RFC3: variants seen among roughly 807,000 people sequenced by gnomAD.
RFC3 encodes the protein replication factor C subunit 3, also known as A1 38 kDa subunit.
In RFC3, 41 loss-of-function variants were observed where a neutral mutation model predicts 45.1. That is an observed-to-expected ratio of 0.91 (90% CI 0.71 to 1.18). The LOEUF is 1.18. Ranked by LOEUF, RFC3 falls within the 50% of genes most tolerant of loss-of-function variation. The pLI is 0.00. For missense variants in RFC3, 423 were observed against 428.1 expected (o/e 0.99, Z 0.10); for synonymous variants, 149 against 144.0 (o/e 1.03, Z -0.25).
At chr13:33,891,979 A>T (rs570075695) in intron 8 of RFC3, among the ~76,000 whole-genome samples, 1 of 151,932 alleles carries the variant, frequency 6.6e-6, no homozygotes, top group South Asian at 2.1e-4. Flanking sequence ...TCAACCAGGA[A>T]AAAAAACAGA....
chr13:33,930,369 A>G (rs2082843925), intron 8 of RFC3, among the ~76,000 whole-genome samples: 2 of 152,148 alleles, frequency 1.3e-5, no homozygotes, highest in African/African-American at 2.4e-5. Flanking sequence ...GTGTGACTCC[A>G]AGAGTCCAAA....
the RFC3 span, among the ~76,000 whole-genome samples, chr13:33,975,739 A>G: frequency 6.6e-6 from 1 of 152,204 alleles, no homozygotes; most frequent in African/African-American, 2.4e-5. Context: ...TGTGGCTGAT[A>G]AAGTTGCTGC....
chr13:33,895,972 A>G (rs2082595272), intron 8 of RFC3, among the ~76,000 whole-genome samples: 1 of 152,156 alleles, frequency 6.6e-6, no homozygotes, highest in Non-Finnish European at 1.5e-5. Context: ...ATGCAAAGGC[A>G]TACACAGTGG....
At chr13:33,961,544 T>C (rs1407830721) in intron 8 of RFC3, among the ~76,000 whole-genome samples, 1 of 152,202 alleles carries the variant, frequency 6.6e-6, no homozygotes, top group South Asian at 2.1e-4. Context: ...ATGAATCAAA[T>C]GATGTCATTT....
At chr13:33,852,086 T>C (rs920271712) in intron 8 of RFC3, among the ~76,000 whole-genome samples, 1 of 152,170 alleles carries the variant, frequency 6.6e-6, no homozygotes, top group Non-Finnish European at 1.5e-5. Context: ...TGCACAAATA[T>C]CTTGAGAAAA....
At chr13:33,890,703 T>C (rs995718404) in intron 8 of RFC3, among the ~76,000 whole-genome samples, 10 of 152,176 alleles carry the variant, frequency 6.6e-5, no homozygotes, top group African/African-American at 2.2e-4. Flanking sequence ...ACTCTTAAGA[T>C]AGGTAATCTT....
chr13:33,919,453 A>G (rs1010166544), intron 8 of RFC3, among the ~76,000 whole-genome samples: 5 of 152,084 alleles, frequency 3.3e-5, no homozygotes, highest in African/African-American at 9.7e-5. Flanking sequence ...CTCACAAGAC[A>G]TTTACTCTAA....
intron 4 of RFC3, among the ~76,000 whole-genome samples, chr13:33,828,758 T>C (rs1387577065): frequency 6.6e-6 from 1 of 152,212 alleles, no homozygotes; most frequent in Non-Finnish European, 1.5e-5. Flanking sequence ...ATTCTTGGGC[T>C]CAAGGGATCT....
chr13:33,891,418 C>G (rs1301948952), intron 8 of RFC3, among the ~76,000 whole-genome samples: 1 of 152,150 alleles, frequency 6.6e-6, no homozygotes, highest in Non-Finnish European at 1.5e-5. Context: ...ACAAGCAGAG[C>G]AGACAAGTAA....
chr13:33,925,084 CAT>C (rs2082795959), intron 8 of RFC3, among the ~76,000 whole-genome samples: 1 of 147,466 alleles, frequency 6.8e-6, no homozygotes, highest in Admixed American at 6.8e-5. Flanking sequence ...TATATACACG[CAT>C]ATATAGTGTA....
At chr13:33,848,563 C>G (rs1432681708) in intron 8 of RFC3, 2 of 152,130 alleles carry the variant, frequency 1.3e-5, no homozygotes, top group African/African-American at 4.8e-5. Flanking sequence ...CTTCTAGATA[C>G]CGGGTGTAAA....
At chr13:33,970,798 A>G (rs74046995), downstream of RFC3, among the ~76,000 whole-genome samples, 2,258 of 152,336 alleles carry the variant, frequency 0.015, 42 homozygotes, top group African/African-American at 0.051. Context: ...CTCTTCAGCC[A>G]TTGAGAAGGG....
downstream of RFC3, among the ~76,000 whole-genome samples, chr13:33,841,326 A>G (rs544404684): frequency 1.3e-5 from 2 of 152,310 alleles, no homozygotes; most frequent in South Asian, 4.1e-4. Flanking sequence ...TACAGTACAT[A>G]CTATGCTGCC....
At chr13:33,974,591 G>A in the RFC3 span, among the ~76,000 whole-genome samples, 3 of 152,108 alleles carry the variant, frequency 2.0e-5, no homozygotes, top group Non-Finnish European at 2.9e-5. Flanking sequence ...AAGTACATCC[G>A]AGAACAATTC....
intron 8 of RFC3, among the ~76,000 whole-genome samples, chr13:33,937,250 A>G (rs1356711400): frequency 6.6e-6 from 1 of 152,190 alleles, no homozygotes; most frequent in Non-Finnish European, 1.5e-5. Flanking sequence ...GATAACATTC[A>G]GTACAGTGAC....
At chr13:33,964,461 C>G (rs1566044925) in intron 8 of RFC3, among the ~76,000 whole-genome samples, 1 of 152,144 alleles carries the variant, frequency 6.6e-6, no homozygotes. Flanking sequence ...CTGTTTTTGT[C>G]CAGAGTTTCA....
chr13:33,946,849 A>C (rs1363233651), intron 8 of RFC3, among the ~76,000 whole-genome samples: 1 of 152,224 alleles, frequency 6.6e-6, no homozygotes, highest in Non-Finnish European at 1.5e-5. Context: ...TGCAATGTGA[A>C]ATCTGAAACC....
intron 8 of RFC3, among the ~76,000 whole-genome samples, chr13:33,924,777 ATGT>A (rs1555241776): frequency 6.7e-6 from 1 of 148,444 alleles, no homozygotes; most frequent in Non-Finnish European, 1.5e-5. Context: ...AAATGGGGAG[ATGT>A]TGTTCAGAGA....
At chr13:33,880,916 C>T (rs546825572) in intron 8 of RFC3, among the ~76,000 whole-genome samples, 257 of 152,030 alleles carry the variant, frequency 1.7e-3, no homozygotes, top group African/African-American at 5.9e-3. Context: ...GTTAGCTGGA[C>T]GTGGTGGTGG....
Sources: allele counts gnomAD v4.1 joint callset (sites outside exome capture counted in the v4.1 genomes callset), GRCh38; gene constraint gnomAD v4.1.1; transcripts MANE v1.5; gene names NCBI Gene and HGNC (gene_info 2026-07-23, HGNC 2026-07-21).